NTNG1: variants seen among roughly 807,000 people sequenced by gnomAD.
NTNG1 encodes the protein netrin G1.
NTNG1 carries 16 observed loss-of-function variants against 54.0 expected under a neutral mutation model. The observed-to-expected ratio is 0.30, with a 90% CI of 0.20 to 0.45. The LOEUF (loss-of-function observed/expected upper bound fraction) is 0.45, where lower values mean the gene tolerates loss of function less well. NTNG1 is among the 20% of genes least tolerant of loss of function. NTNG1 has a pLI of 1.00. For synonymous variants in NTNG1, 255 were observed against 263.1 expected (o/e 0.97, Z 0.30); for missense variants, 530 against 678.7 (o/e 0.78, Z 2.43).
chr1:107,205,853 C>T (rs975179476), intron 2 of NTNG1, among the ~76,000 whole-genome samples: 5 of 152,172 alleles, frequency 3.3e-5, no homozygotes, highest in African/African-American at 1.2e-4. Context: ...ATTTTGACTT[C>T]TTATAGCATA....
At chr1:107,409,833 G>GT (rs1345479787) in intron 5 of NTNG1, 1 of 152,108 alleles carries the variant, frequency 6.6e-6, no homozygotes, top group Non-Finnish European at 1.5e-5. Flanking sequence ...AAGAGTTACA[G>GT]TAAAACCATC....
intron 2 of NTNG1, among the ~76,000 whole-genome samples, chr1:107,166,985 A>C (rs930816250): frequency 6.6e-6 from 1 of 152,140 alleles, no homozygotes; most frequent in Admixed American, 6.6e-5. Flanking sequence ...AGATACAAGC[A>C]ACTTAACCTG....
intron 2 of NTNG1, among the ~76,000 whole-genome samples, chr1:107,296,391 C>A (rs1294638545): frequency 6.6e-6 from 1 of 151,874 alleles, no homozygotes; most frequent in Non-Finnish European, 1.5e-5. Flanking sequence ...CAACCAAGTA[C>A]AATGTATGCA....
intron 2 of NTNG1, among the ~76,000 whole-genome samples, chr1:107,150,599 C>G (rs758264904): frequency 6.6e-6 from 1 of 152,140 alleles, no homozygotes; most frequent in African/African-American, 2.4e-5. Context: ...TAGCAAATTT[C>G]CTTTCTCAGG....
chr1:107,285,579 C>T (rs1205816251), intron 2 of NTNG1, among the ~76,000 whole-genome samples: 1 of 152,098 alleles, frequency 6.6e-6, no homozygotes, highest in Non-Finnish European at 1.5e-5. Flanking sequence ...AATAGTGTTT[C>T]TGCATACAAT....
chr1:107,288,500 T>C (rs952727533), intron 2 of NTNG1, among the ~76,000 whole-genome samples: 12 of 152,208 alleles, frequency 7.9e-5, no homozygotes, highest in African/African-American at 2.6e-4. Context: ...ATCGCACCAC[T>C]GAGAAATTGC....
intron 2 of NTNG1, among the ~76,000 whole-genome samples, chr1:107,301,256 G>A (rs1666293654): frequency 6.6e-6 from 1 of 152,148 alleles, no homozygotes; most frequent in South Asian, 2.1e-4. Flanking sequence ...ATATGCTATT[G>A]TTCAAGTTGA....
intron 2 of NTNG1, among the ~76,000 whole-genome samples, chr1:107,321,197 C>G (rs75911170): frequency 0.039 from 5,968 of 152,094 alleles, 141 homozygotes; most frequent in Non-Finnish European, 0.046. Flanking sequence ...GTGCCTGTCC[C>G]CCAACTAGGA....
intron 3 of NTNG1, among the ~76,000 whole-genome samples, chr1:107,332,017 A>G (rs1570697107): frequency 6.6e-6 from 1 of 152,090 alleles, no homozygotes; most frequent in African/African-American, 2.4e-5. Flanking sequence ...AAACATTGCT[A>G]CTTAACTCCA....
intron 5 of NTNG1, among the ~76,000 whole-genome samples, chr1:107,415,986 G>C (rs894157553): frequency 6.6e-6 from 1 of 152,100 alleles, no homozygotes; most frequent in Admixed American, 6.6e-5. Context: ...CTAATTTTAA[G>C]TTGTTTTCTT....
chr1:107,164,939 T>C (rs940526846), intron 2 of NTNG1, among the ~76,000 whole-genome samples: 1 of 152,160 alleles, frequency 6.6e-6, no homozygotes, highest in Non-Finnish European at 1.5e-5. Context: ...GTGGTTCCCC[T>C]GTTGGCTAGG....
chr1:107,348,031 C>G (rs770452944), intron 3 of NTNG1, among the ~76,000 whole-genome samples: 1 of 152,106 alleles, frequency 6.6e-6, no homozygotes, highest in Non-Finnish European at 1.5e-5. Flanking sequence ...ATCTGTGGTT[C>G]TGACATCCTT....
chr1:107,459,682 T>C (rs1677161698), intron 7 of NTNG1, among the ~76,000 whole-genome samples: 1 of 152,232 alleles, frequency 6.6e-6, no homozygotes, highest in Admixed American at 6.5e-5. Context: ...AAATTTATTA[T>C]GCATTGATGC....
At chr1:107,317,766 A>G (rs1667419796) in intron 2 of NTNG1, among the ~76,000 whole-genome samples, 1 of 152,140 alleles carries the variant, frequency 6.6e-6, no homozygotes, top group Non-Finnish European at 1.5e-5. Flanking sequence ...ACAGGGTTTT[A>G]GTATTGTCAG....
At chr1:107,451,562 A>G (rs1270309431) in intron 7 of NTNG1, among the ~76,000 whole-genome samples, 1 of 152,160 alleles carries the variant, frequency 6.6e-6, no homozygotes, top group Non-Finnish European at 1.5e-5. Flanking sequence ...GCATTTGTAA[A>G]GTGCTGTCCT....
intron 7 of NTNG1, among the ~76,000 whole-genome samples, chr1:107,446,661 A>G (rs1570979744): frequency 6.6e-6 from 1 of 152,060 alleles, no homozygotes; most frequent in Non-Finnish European, 1.5e-5. Context: ...AGTGTGATTG[A>G]GCCCATTGAA....
At chr1:107,208,177 C>T (rs112110043) in intron 2 of NTNG1, among the ~76,000 whole-genome samples, 111 of 152,166 alleles carry the variant, frequency 7.3e-4, no homozygotes, top group African/African-American at 2.4e-3. Flanking sequence ...TGCCTGTAAT[C>T]CCAGCACTTT....
chr1:107,317,497 G>A (rs1667398953), intron 2 of NTNG1, among the ~76,000 whole-genome samples: 1 of 152,116 alleles, frequency 6.6e-6, no homozygotes, highest in Non-Finnish European at 1.5e-5. Flanking sequence ...TTCTTGTCCA[G>A]TACATGCAAA....
intron 2 of NTNG1, among the ~76,000 whole-genome samples, chr1:107,286,897 A>T (rs74108699): frequency 0.042 from 6,455 of 152,274 alleles, 431 homozygotes; most frequent in African/African-American, 0.15. Context: ...AAGAATTAAT[A>T]TATTTTTAGG....
Sources: gnomAD v4.1 joint callset for allele counts (sites outside exome capture counted in the v4.1 genomes callset) on GRCh38, gnomAD v4.1.1 for gene constraint, MANE v1.5 for transcripts, NCBI Gene and HGNC (gene_info 2026-07-23, HGNC 2026-07-21) for gene names.